Variants in USP31 observed in about 807,000 individuals in gnomAD.
USP31 encodes ubiquitin carboxyl-terminal hydrolase 31.
In USP31, 44 loss-of-function variants were observed where a neutral mutation model predicts 119.4. The observed-to-expected ratio is 0.37, with a 90% CI of 0.29 to 0.47. USP31 has a LOEUF of 0.47. USP31 is among the 20% of genes least tolerant of loss of function. USP31 has a pLI of 0.99. For synonymous variants in USP31, 749 were observed against 705.6 expected, an observed-to-expected ratio of 1.06 and a Z score of -0.97; for missense variants, 1,643 against 1,730.2, an observed-to-expected ratio of 0.95 and a Z score of 0.89.
chr16:23,077,613 C>T (rs1900634112), intron 13 of USP31, among the ~76,000 whole-genome samples: 1 of 152,162 alleles, frequency 6.6e-6, no homozygotes, highest in Non-Finnish European at 1.5e-5. Flanking sequence ...AATCAATGGT[C>T]AGCACTAGCA....
chr16:23,114,272 T>C (rs1335582871), intron 1 of USP31, among the ~76,000 whole-genome samples: 1 of 149,772 alleles, frequency 6.7e-6, no homozygotes, highest in African/African-American at 2.4e-5. Context: ...GCAGGGAACC[T>C]GGTTTTTTGA....
rs954041951 is a variant in USP31 at position 23,149,182 on chromosome 16, C to T, written c.89G>A (p.Ser30Asn). ...KRSFSKRLFR[S>N]GRAGGGGAGG... is the part of the protein sequence containing the mutation. ...CGCGCCGCCGCCGCCAGCGCGGCCGCTCCGAAACAGCCGCTTGCTGAAGGA... is the reference window on the plus strand; with the variant it reads ...CGCGCCGCCGCCGCCAGCGCGGCCGTTCCGAAACAGCCGCTTGCTGAAGGA... The change falls in exon 1 of 16, where the codon AGC (serine) becomes AAC (asparagine). Residue 30 changes from serine (S) to asparagine (N), a missense_variant. Transcript: ENST00000219689. 1 of 1,164,152 alleles carries T rather than the reference C, an allele frequency of 8.6e-7. No homozygotes were observed. Among genetic ancestry groups the T allele is most frequent in the Non-Finnish European group, 1.1e-6 (1 of 941,300 alleles). The allele number at this position is 1,164,152 out of a possible 1,614,324, so 72.1% of individuals were successfully genotyped here. A position where few individuals can be genotyped will look rare whatever the true frequency, so the allele number is the denominator to read the frequency against.
intron 6 of USP31, 48 bp from the exon 7 acceptor site, chr16:23,090,852 T>C: frequency 7.1e-7 from 1 of 1,405,174 alleles, no homozygotes; most frequent in South Asian, 1.9e-5. Flanking sequence ...AAATTATTTT[T>C]ATTCACTCGT....
intron 1 of USP31, among the ~76,000 whole-genome samples, chr16:23,112,835 C>A (rs1003533916): frequency 2.6e-5 from 4 of 151,946 alleles, no homozygotes; most frequent in Admixed American, 2.6e-4. Context: ...TCAAGACCAG[C>A]CTGACCAACA....
chr16:23,112,791 G>A (rs1366361862), intron 1 of USP31, among the ~76,000 whole-genome samples: 2 of 152,034 alleles, frequency 1.3e-5, no homozygotes, highest in South Asian at 2.1e-4. Flanking sequence ...CACTTTGGGA[G>A]GTTGAGGTGG....
At chr16:23,143,176 C>T (rs1596740225) in intron 1 of USP31, among the ~76,000 whole-genome samples, 2 of 152,294 alleles carry the variant, frequency 1.3e-5, no homozygotes, top group Admixed American at 1.3e-4. Flanking sequence ...TCATCAATTA[C>T]CATTTGTTTC....
chr16:23,068,011 A>T lies in USP31; in HGVS notation c.*35T>A. 6.4e-7 allele frequency: 1 copy of T among 1,568,860 alleles called. No homozygotes were observed. ...GGGCAGGGGTTCTAAATAAATAAACATCTTTACAGATAAAACACTTTGATT... is the reference window on the plus strand; with the variant it reads ...GGGCAGGGGTTCTAAATAAATAAACTTCTTTACAGATAAAACACTTTGATT... On this transcript the variant is annotated 3_prime_UTR_variant, in exon 16 of 16. Coordinates refer to ENST00000219689, the MANE Select transcript of USP31 (RefSeq NM_020718.4).
chr16:23,063,458 T>A lies in USP31; in HGVS notation c.*4588A>T, dbSNP rs936403155. The A allele has an allele frequency of 3.3e-5, 5 of 152,554 alleles. No homozygotes were observed. Among genetic ancestry groups the A allele is most frequent in the African/African-American group, 1.2e-4 (5 of 41,430 alleles). The allele number at this position is 152,554 out of a possible 1,614,324, so 9.5% of individuals were successfully genotyped here. A position where few individuals can be genotyped will look rare whatever the true frequency, so the allele number is the denominator to read the frequency against. ...ATAGAACCCTTGAAGATATAAAAAA[T>A]TAAAATCTATAGAAAATGGCAGGTT... On this transcript the variant is annotated 3_prime_UTR_variant, in exon 16 of 16. Transcript: ENST00000219689.
chr16:23,109,917 C>T (rs933668346), intron 1 of USP31, among the ~76,000 whole-genome samples: 9 of 147,056 alleles, frequency 6.1e-5, no homozygotes, highest in African/African-American at 2.2e-4. Context: ...GTCTGAGAAA[C>T]AATAACAGAC....
intron 2 of USP31, among the ~76,000 whole-genome samples, chr16:23,106,968 C>T (rs1003704136): frequency 1.5e-4 from 23 of 152,032 alleles, no homozygotes; most frequent in Non-Finnish European, 2.9e-4. Context: ...CAAAATTAGC[C>T]GGCTGTGGTG....
At position 23,068,988 on chromosome 16, in the gene USP31, C is replaced by G. The variant is rs1900221678; in HGVS notation, c.3117G>C (p.Leu1039Phe). ...SKGTSEPEKS[L>F]RKGRPALASQ... ...TTGCCAAGGCTGGTCTCCCCTTCCG[C>G]AAGCTTTTCTCTGGCTCAGAAGTGC... The change falls in exon 16 of 16, where the codon TTG (leucine) becomes TTC (phenylalanine). Residue 1039 changes from leucine to phenylalanine, a missense_variant. Around this residue, in one of 5 missense-constraint regions of USP31, gnomAD observed 699 missense variants for 650.9 expected, o/e 1.07. Coordinates refer to ENST00000219689, the MANE Select transcript of USP31 (RefSeq NM_020718.4). 2 of 1,614,142 alleles carry G rather than the reference C, an allele frequency of 1.2e-6. No individual in the cohort carries two copies. Among genetic ancestry groups the G allele is most frequent in the Non-Finnish European group, 1.7e-6 (2 of 1,180,038 alleles).
intron 1 of USP31, among the ~76,000 whole-genome samples, chr16:23,128,592 T>C (rs1902937175): frequency 6.6e-6 from 1 of 152,118 alleles, no homozygotes; most frequent in African/African-American, 2.4e-5. Context: ...GGAAACCAAA[T>C]AACTGGACAA....
intron 6 of USP31, among the ~76,000 whole-genome samples, 164 bp downstream of exon 6, chr16:23,102,155 T>C (rs1225919987): frequency 6.6e-6 from 1 of 151,942 alleles, no homozygotes; most frequent in African/African-American, 2.4e-5. Flanking sequence ...TCTAGGAAAA[T>C]ATTACTATAA....
intron 7 of USP31, 83 bp downstream of exon 7, chr16:23,090,541 T>A: frequency 7.3e-7 from 1 of 1,364,078 alleles, no homozygotes. Flanking sequence ...AAGTAAGAAC[T>A]TTTTGCCCAT....
chr16:23,138,507 A>AATCAT, intron 1 of USP31, among the ~76,000 whole-genome samples: 1 of 152,274 alleles, frequency 6.6e-6, no homozygotes, highest in Middle Eastern at 3.4e-3. Context: ...GAAAAAAGAC[A>AATCAT]ATCATACCAC....
At chr16:23,102,506 C>A in intron 5 of USP31, 43 bp from the exon 6 acceptor site, 2 of 1,581,376 alleles carry the variant, frequency 1.3e-6, no homozygotes, top group South Asian at 1.2e-5. Flanking sequence ...ACTGGAAATT[C>A]GATACTAATT....
intron 7 of USP31, among the ~76,000 whole-genome samples, 185 bp from the exon 8 acceptor site, chr16:23,088,020 A>C (rs532928654): frequency 4.6e-5 from 7 of 152,338 alleles, no homozygotes; most frequent in African/African-American, 1.7e-4. Flanking sequence ...TGGATTTCTA[A>C]ATGAAATTTA....
intron 13 of USP31, among the ~76,000 whole-genome samples, chr16:23,077,843 T>C (rs1900647649): frequency 6.6e-6 from 1 of 152,134 alleles, no homozygotes; most frequent in South Asian, 2.1e-4. Flanking sequence ...TGATTCCATT[T>C]CCAAGACTCA....
chr16:23,075,045 G>C (rs1212565558), intron 13 of USP31, among the ~76,000 whole-genome samples: 1 of 152,164 alleles, frequency 6.6e-6, no homozygotes, highest in Non-Finnish European at 1.5e-5. Context: ...CAAGTATGGA[G>C]ACTTAAGGGA....
Sources: allele counts gnomAD v4.1 joint callset (sites outside exome capture counted in the v4.1 genomes callset), GRCh38; gene constraint gnomAD v4.1.1; regional missense constraint gnomAD v4.1.1; transcripts MANE v1.5; gene names NCBI Gene and HGNC (gene_info 2026-07-23, HGNC 2026-07-21).